Variants in MAST4 observed in about 807,000 individuals in gnomAD.
MAST4 encodes microtubule-associated serine/threonine-protein kinase 4.
In MAST4, 89 loss-of-function variants were observed where a neutral mutation model predicts 162.7. That is an observed-to-expected ratio of 0.55 (90% CI 0.46 to 0.65). The LOEUF (loss-of-function observed/expected upper bound fraction) is 0.65. MAST4 is among the 30% of genes least tolerant of loss of function. The probability of loss-of-function intolerance (pLI) is 0.00; values close to 1 mark genes in which losing one functional copy is unlikely to be tolerated. For missense variants in MAST4, 3,153 were observed against 3,374.0 expected (o/e 0.93, Z 1.62); for synonymous variants, 1,479 against 1,361.1 (o/e 1.09, Z -1.91).
At chr5:66,639,260 T>C (rs1313519517) in intron 1 of MAST4, among the ~76,000 whole-genome samples, 9 of 133,502 alleles carry the variant, frequency 6.7e-5, no homozygotes. Context: ...AGTGTGTTGA[T>C]TAGTACTGAG....
At chr5:66,636,169 G>C (rs1463202895) in intron 1 of MAST4, among the ~76,000 whole-genome samples, 1 of 151,916 alleles carries the variant, frequency 6.6e-6, no homozygotes, top group African/African-American at 2.4e-5. Context: ...TGTTAGCCAG[G>C]ATGGTCTTGG....
intron 4 of MAST4, among the ~76,000 whole-genome samples, chr5:66,999,421 A>G (rs777400504): frequency 6.6e-6 from 1 of 152,208 alleles, no homozygotes; most frequent in East Asian, 1.9e-4. Flanking sequence ...GCCTTGGGAG[A>G]TAAGTGCTTC....
intron 4 of MAST4, among the ~76,000 whole-genome samples, chr5:66,924,022 C>T (rs1764714740): frequency 6.6e-6 from 1 of 152,196 alleles, no homozygotes. Flanking sequence ...ACCCTTTAAT[C>T]TTTCAGTGAA....
chr5:66,949,944 A>G (rs1321350643), intron 4 of MAST4, among the ~76,000 whole-genome samples: 1 of 152,176 alleles, frequency 6.6e-6, no homozygotes, highest in East Asian at 1.9e-4. Context: ...TAAAACCTCT[A>G]AAATAGATTC....
chr5:67,165,202 C>A lies in MAST4; in HGVS notation c.6023C>A (p.Thr2008Asn), dbSNP rs890691306. Reference sequence around the variant, plus strand: ...CTGTGCTTTCCAGAAACTGCGAAAACCAGTGACAACTCCAAAAATCTCCTC... The same window carrying A: ...CTGTGCTTTCCAGAAACTGCGAAAAACAGTGACAACTCCAAAAATCTCCTC... ...MELCFPETAK[T>N]SDNSKNLLSV... The change falls in exon 29 of 29, where the codon ACC (threonine) becomes AAC (asparagine). Residue 2008 changes from threonine (T) to asparagine (N), a missense_variant. Thr to Asn is a moderately conservative substitution (Grantham distance 65). This residue lies in a region of MAST4 where 1,644 missense variants were observed against 1,495.0 expected (regional missense o/e 1.10). Coordinates refer to ENST00000403625, the MANE Select transcript of MAST4 (RefSeq NM_001164664.2). 32 of 1,610,344 alleles carry A rather than the reference C, an allele frequency of 2.0e-5. No individual in the cohort carries two copies. The highest frequency in any genetic ancestry group is 2.6e-5 in the Non-Finnish European group (31 of 1,178,288).
chr5:67,151,369 G>A (rs1272237907), intron 24 of MAST4, among the ~76,000 whole-genome samples: 4 of 152,162 alleles, frequency 2.6e-5, no homozygotes, highest in Admixed American at 2.6e-4. Context: ...GGAAGAACAA[G>A]CTCTCTGCAG....
At chr5:66,914,835 C>T (rs1764003051) in intron 4 of MAST4, among the ~76,000 whole-genome samples, 1 of 152,140 alleles carries the variant, frequency 6.6e-6, no homozygotes, top group African/African-American at 2.4e-5. Flanking sequence ...GTTTCTCTCA[C>T]TGTCTTCTAG....
intron 4 of MAST4, among the ~76,000 whole-genome samples, chr5:66,910,741 C>CTT (rs1176127841): frequency 3.5e-4 from 7 of 20,090 alleles, no homozygotes; most frequent in Non-Finnish European, 7.9e-4. Flanking sequence ...TTTTTTTTTT[C>CTT]TTTTTTTTTT....
chr5:66,974,394 G>A (rs1469907271), intron 4 of MAST4, among the ~76,000 whole-genome samples: 3 of 152,196 alleles, frequency 2.0e-5, no homozygotes, highest in Non-Finnish European at 2.9e-5. Context: ...CAGATGAGCT[G>A]CCACTGCTTT....
chr5:66,929,262 C>G (rs932525079), intron 4 of MAST4, among the ~76,000 whole-genome samples: 5 of 152,104 alleles, frequency 3.3e-5, no homozygotes, highest in Non-Finnish European at 7.4e-5. Flanking sequence ...GTCTGGAGTT[C>G]TGATGTTCAA....
intron 1 of MAST4, among the ~76,000 whole-genome samples, chr5:66,669,422 G>A (rs1747470991): frequency 6.6e-6 from 1 of 152,134 alleles, no homozygotes; most frequent in Non-Finnish European, 1.5e-5. Context: ...ACACTGCATG[G>A]GTAAAACACA....
At chr5:66,849,993 G>T (rs1432395364) in intron 3 of MAST4, among the ~76,000 whole-genome samples, 1 of 152,106 alleles carries the variant, frequency 6.6e-6, no homozygotes, top group Non-Finnish European at 1.5e-5. Flanking sequence ...ATTTATAGTG[G>T]TTACATCAGC....
intron 1 of MAST4, among the ~76,000 whole-genome samples, chr5:66,693,743 C>T (rs569804659): frequency 8.0e-6 from 1 of 125,164 alleles, no homozygotes; most frequent in African/African-American, 3.1e-5. Context: ...AGATATGGTC[C>T]TCGCTCTCCT....
chr5:67,008,109 C>T (rs973973479), intron 4 of MAST4, among the ~76,000 whole-genome samples: 1 of 152,204 alleles, frequency 6.6e-6, no homozygotes, highest in East Asian at 1.9e-4. Flanking sequence ...TTCTATATAA[C>T]TGGCTTTGTC....
intron 4 of MAST4, among the ~76,000 whole-genome samples, chr5:67,049,023 GTATATATA>G (rs10598203): frequency 2.3e-5 from 2 of 85,666 alleles, no homozygotes; most frequent in African/African-American, 4.8e-5. Flanking sequence ...ATATATATAC[GTATATATA>G]TATATATATA....
At chr5:66,717,921 C>G (rs576138086) in intron 1 of MAST4, among the ~76,000 whole-genome samples, 1 of 152,318 alleles carries the variant, frequency 6.6e-6, no homozygotes, top group Admixed American at 6.5e-5. Context: ...GGCCGTGGGA[C>G]CGCTGGGTCT....
At chr5:66,911,571 C>T (rs906360752) in intron 4 of MAST4, among the ~76,000 whole-genome samples, 1 of 84,740 alleles carries the variant, frequency 1.2e-5, no homozygotes, top group Non-Finnish European at 2.5e-5. Flanking sequence ...CCCCCCCCCC[C>T]CCCCGCAAAA....
intron 17 of MAST4, among the ~76,000 whole-genome samples, chr5:67,133,953 T>C (rs1453951360): frequency 6.6e-6 from 1 of 152,164 alleles, no homozygotes; most frequent in Non-Finnish European, 1.5e-5. Flanking sequence ...TTCAGGAGTC[T>C]CAGTAGAGTA....
At chr5:67,065,084 T>A (rs1399820658) in intron 5 of MAST4, among the ~76,000 whole-genome samples, 1 of 152,202 alleles carries the variant, frequency 6.6e-6, no homozygotes, top group Non-Finnish European at 1.5e-5. Flanking sequence ...AGTATATATA[T>A]GCTAAATCCC....
Sources: allele counts gnomAD v4.1 joint callset (sites outside exome capture counted in the v4.1 genomes callset), GRCh38; gene constraint gnomAD v4.1.1; regional missense constraint gnomAD v4.1.1; transcripts MANE v1.5; gene names NCBI Gene and HGNC (gene_info 2026-07-23, HGNC 2026-07-21).